The following SKAP2 variants were observed in gnomAD, a reference collection of about 807,000 sequenced individuals.
SKAP2 encodes the protein src kinase associated phosphoprotein 2, also known as src kinase-associated phosphoprotein 2.
Under a neutral mutation model 54.9 loss-of-function variants are expected in SKAP2, and 28 were observed. The ratio of observed to expected loss-of-function variants is 0.51; its 90% CI spans 0.38 to 0.70. The LOEUF (loss-of-function observed/expected upper bound fraction) is 0.70. Ranked by LOEUF, SKAP2 falls within the 30% of genes least tolerant of loss-of-function variation. SKAP2 has a pLI of 0.00. For missense variants in SKAP2, 356 were observed against 424.1 expected (o/e 0.84, Z 1.41); for synonymous variants, 137 against 134.3 (o/e 1.02, Z -0.14).
At chr7:26,789,815 T>C (rs1783637269) in intron 4 of SKAP2, among the ~76,000 whole-genome samples, 1 of 152,210 alleles carries the variant, frequency 6.6e-6, no homozygotes, top group African/African-American at 2.4e-5. Flanking sequence ...TCTCCTCAGC[T>C]ATAAATTGGC....
chr7:26,683,535 T>A (rs201495943), intron 11 of SKAP2, among the ~76,000 whole-genome samples: 8 of 147,058 alleles, frequency 5.4e-5, no homozygotes, highest in South Asian at 4.5e-4. Context: ...GATGGATGGA[T>A]GGAAGGAAGG....
rs146514849 is a variant in SKAP2, at chr7:26,820,845, C to A, written c.307+23185G>T. ...AAGAAAATATGTACTAAAATCAAGT[C>A]AATTATTCCATCCCTTGGTCATCTT... On this transcript the variant is annotated intron_variant, in intron 4 of 12. Coordinates refer to ENST00000345317, the MANE Select transcript of SKAP2 (RefSeq NM_003930.5). Among the ~76,000 whole-genome samples, 1,122 of 152,212 alleles carry A rather than the reference C, an allele frequency of 7.4e-3. 25 individuals carry two copies. Among genetic ancestry groups the A allele is most frequent in the Middle Eastern group, 0.031 (9 of 294 alleles).
At chr7:26,860,413 G>T (rs1785251835) in intron 1 of SKAP2, among the ~76,000 whole-genome samples, 1 of 151,990 alleles carries the variant, frequency 6.6e-6, no homozygotes, top group African/African-American at 2.4e-5. Flanking sequence ...TATCTTGGAG[G>T]TACGATAGAT....
intron 4 of SKAP2, among the ~76,000 whole-genome samples, chr7:26,757,495 T>G (rs915188049): frequency 2.6e-5 from 4 of 152,168 alleles, no homozygotes; most frequent in Non-Finnish European, 4.4e-5. Flanking sequence ...ATGTGTGGTA[T>G]TATTTCTGAG....
chr7:26,862,232 A>G lies in SKAP2; in HGVS notation c.67+2131T>C, dbSNP rs145487619. 2.4e-4 allele frequency among the ~76,000 whole-genome samples: 36 copies of G among 152,218 alleles called. No individual in the cohort carries two copies. The East Asian group carries it at 6.9e-3, about 29-fold the overall frequency. On this transcript the variant is annotated intron_variant, in intron 1 of 12. Transcript: ENST00000345317. ...TGAAATACATGAAACAATTGCTGACAGCATCTATTCTTGAAGCGTTCTCTA... is the reference window on the plus strand; with the variant it reads ...TGAAATACATGAAACAATTGCTGACGGCATCTATTCTTGAAGCGTTCTCTA...
intron 4 of SKAP2, among the ~76,000 whole-genome samples, chr7:26,790,856 C>T (rs767350839): frequency 2.6e-5 from 4 of 152,132 alleles, no homozygotes; most frequent in Non-Finnish European, 5.9e-5. Flanking sequence ...AATACTCATA[C>T]TATATAAAAA....
At chr7:26,788,197 T>C (rs145345056) in intron 4 of SKAP2, among the ~76,000 whole-genome samples, 2 of 152,310 alleles carry the variant, frequency 1.3e-5, no homozygotes, top group African/African-American at 4.8e-5. Context: ...GATGTTTTAT[T>C]AGACTTAATG....
intron 4 of SKAP2, among the ~76,000 whole-genome samples, chr7:26,741,828 T>C (rs909180557): frequency 4.6e-5 from 7 of 151,976 alleles, no homozygotes; most frequent in Non-Finnish European, 8.8e-5. Flanking sequence ...ACCAGTTTTT[T>C]TTTTTAATAC....
chr7:26,803,544 T>C (rs938121615), intron 4 of SKAP2, among the ~76,000 whole-genome samples: 7 of 152,060 alleles, frequency 4.6e-5, no homozygotes, highest in African/African-American at 1.2e-4. Context: ...ACAACTACCA[T>C]GGAAAACAGT....
intron 9 of SKAP2, among the ~76,000 whole-genome samples, chr7:26,719,513 C>T (rs1404084578): frequency 6.6e-6 from 1 of 152,170 alleles, no homozygotes; most frequent in East Asian, 1.9e-4. Context: ...TACAGACAGT[C>T]CAATCCCACA....
intron 9 of SKAP2, among the ~76,000 whole-genome samples, chr7:26,718,627 C>A (rs1380352190): frequency 6.6e-6 from 1 of 151,900 alleles, no homozygotes; most frequent in Admixed American, 6.6e-5. Flanking sequence ...TGCCTCAGCA[C>A]CCCGAGTAGC....
intron 4 of SKAP2, among the ~76,000 whole-genome samples, chr7:26,772,666 G>A (rs946855850): frequency 6.6e-6 from 1 of 152,072 alleles, no homozygotes. Flanking sequence ...TTGCTATTGT[G>A]AATAGTGCTT....
chr7:26,816,738 C>CA (rs965182507), intron 4 of SKAP2, among the ~76,000 whole-genome samples: 1 of 150,938 alleles, frequency 6.6e-6, no homozygotes, highest in South Asian at 2.1e-4. Context: ...TTTGATAAGG[C>CA]AAAAAAAATG....
chr7:26,852,589 T>A (rs1011335458), intron 3 of SKAP2, among the ~76,000 whole-genome samples: 2 of 152,212 alleles, frequency 1.3e-5, no homozygotes, highest in Admixed American at 1.3e-4. Context: ...ATTTTTCAAT[T>A]TCTATCAAAT....
intron 4 of SKAP2, among the ~76,000 whole-genome samples, chr7:26,794,103 A>AT (rs1222623344): frequency 1.3e-5 from 2 of 152,070 alleles, no homozygotes; most frequent in South Asian, 2.1e-4. Flanking sequence ...CAGGAGCCCA[A>AT]TTTTTTTTAA....
chr7:26,856,451 T>C (rs751636175), intron 1 of SKAP2, among the ~76,000 whole-genome samples: 40 of 152,220 alleles, frequency 2.6e-4, no homozygotes, highest in Non-Finnish European at 1.0e-4. Context: ...TCTCTTTCTT[T>C]GAGTTATATT....
chr7:26,761,084 G>T (rs1309581099), intron 4 of SKAP2, among the ~76,000 whole-genome samples: 1 of 152,182 alleles, frequency 6.6e-6, no homozygotes, highest in African/African-American at 2.4e-5. Context: ...GTGGAACAGG[G>T]AAAACGCAAC....
At chr7:26,789,970 C>G (rs1783640510) in intron 4 of SKAP2, among the ~76,000 whole-genome samples, 1 of 152,126 alleles carries the variant, frequency 6.6e-6, no homozygotes, top group Non-Finnish European at 1.5e-5. Context: ...TCAAAGGGCA[C>G]AGCTGCAATG....
intron 4 of SKAP2, among the ~76,000 whole-genome samples, chr7:26,750,859 C>A (rs1399758744): frequency 6.6e-6 from 1 of 152,098 alleles, no homozygotes. Context: ...AATTCTTTAG[C>A]TTCTTTCCAC....
Sources: allele counts gnomAD v4.1 joint callset (sites outside exome capture counted in the v4.1 genomes callset), GRCh38; gene constraint gnomAD v4.1.1; transcripts MANE v1.5; gene names NCBI Gene and HGNC (gene_info 2026-07-23, HGNC 2026-07-21).